The following COL5A1 variants were observed in gnomAD, a reference collection of about 807,000 sequenced individuals.
The protein encoded by COL5A1 is collagen type V alpha 1 chain, also known as collagen alpha-1(V) chain.
Under a neutral mutation model 263.7 loss-of-function variants are expected in COL5A1, and 16 were observed. The observed-to-expected ratio is 0.06, with a 90% CI of 0.04 to 0.09. COL5A1 has a LOEUF of 0.09. Among genes scored for constraint, COL5A1 ranks in the 10% least tolerant of loss-of-function variants. The pLI, the probability that COL5A1 is intolerant of heterozygous loss-of-function variation, is 1.00. For synonymous variants in COL5A1, 1,012 were observed against 1,004.5 expected (o/e 1.01, Z -0.14); for missense variants, 2,036 against 2,540.5 (o/e 0.80, Z 4.27).
chr9:134,732,158 C>T, intron 9 of COL5A1, 31 bp downstream of exon 9: 4 of 1,612,890 alleles, frequency 2.5e-6, no homozygotes, highest in Non-Finnish European at 3.4e-6. Flanking sequence ...CCTCCCTGCG[C>T]CGGGGTGTCC....
intron 14 of COL5A1, among the ~76,000 whole-genome samples, chr9:134,753,026 C>G (rs187263858): frequency 6.6e-6 from 1 of 152,104 alleles, no homozygotes; most frequent in Non-Finnish European, 1.5e-5. Flanking sequence ...GCAGAGAACA[C>G]GCTATGAGCT....
At position 134,701,644 on chromosome 9, in the gene COL5A1, G is replaced by A. The variant is rs544574724; in HGVS notation, c.654+311G>A. ...GGACAGGGCCTTTGTCCAGCCTCGTGCTGAGGCTCCTGGAAACCTGCACAC... is the reference window on the plus strand; with the variant it reads ...GGACAGGGCCTTTGTCCAGCCTCGTACTGAGGCTCCTGGAAACCTGCACAC... On this transcript the variant is annotated intron_variant, in intron 4 of 65. Coordinates refer to ENST00000371817, the MANE Select transcript of COL5A1 (RefSeq NM_000093.5). Among the ~76,000 whole-genome samples, 18 of 152,290 alleles carry A rather than the reference G, an allele frequency of 1.2e-4. No individual in the cohort carries two copies. The East Asian group carries it at 2.7e-3, about 23-fold the overall frequency.
intron 1 of COL5A1, among the ~76,000 whole-genome samples, chr9:134,663,068 G>C (rs1192424124): frequency 1.3e-5 from 2 of 152,256 alleles, no homozygotes; most frequent in African/African-American, 4.8e-5. Flanking sequence ...TTTGCTGAGG[G>C]GGTGGTTGAA....
chr9:134,699,850 G>A (rs1341163227), intron 2 of COL5A1, 59 bp from the exon 3 acceptor site: 11 of 1,542,814 alleles, frequency 7.1e-6, no homozygotes, highest in Admixed American at 3.3e-5. Context: ...AGAGAGCCAT[G>A]GCTGGGTGTG....
rs547540179 is a variant in COL5A1, at chr9:134,706,302, C to T, written c.654+4969C>T. Reference sequence around the variant, plus strand: ...AGGTTTCCAGAGGTGCTGGGCAGGCCCAGGACCACCGTGCAGGAAGGGGAA... The same window carrying T: ...AGGTTTCCAGAGGTGCTGGGCAGGCTCAGGACCACCGTGCAGGAAGGGGAA... On this transcript the variant is annotated intron_variant, in intron 4 of 65. Coordinates refer to ENST00000371817, the MANE Select transcript of COL5A1 (RefSeq NM_000093.5). Among the ~76,000 whole-genome samples the T allele has an allele frequency of 9.8e-5, 15 of 152,302 alleles. No individual in the cohort carries two copies. In the South Asian group the frequency reaches 2.7e-3, roughly 27 times the overall value.
At chr9:134,824,948 G>A in intron 62 of COL5A1, 93 bp downstream of exon 62, 1 of 1,491,216 alleles carries the variant, frequency 6.7e-7, no homozygotes, top group Non-Finnish European at 8.9e-7. Flanking sequence ...GCCAGGCACA[G>A]CGGAAGGGAC....
At chr9:134,786,123 G>A in intron 31 of COL5A1, 75 bp downstream of exon 31, 1 of 1,345,964 alleles carries the variant, frequency 7.4e-7, no homozygotes, top group Non-Finnish European at 1.0e-6. Flanking sequence ...CCTGCATCCG[G>A]CCGTGTTAGG....
chr9:134,750,990 G>T, intron 13 of COL5A1, 108 bp downstream of exon 13: 1 of 961,548 alleles, frequency 1.0e-6, no homozygotes, highest in Non-Finnish European at 1.6e-6. Flanking sequence ...GGAAGCAGCT[G>T]TCTTGATCCC....
In COL5A1 at chr9:134,678,313, A is replaced by G. The variant is rs910544387; in HGVS notation, c.110-12599A>G. ...ACACTGTGGGCCAAGTTGATGAATA[A>G]GGGAAGTGTGGCAGCTGGGCGCAGA... On this transcript the variant is annotated intron_variant, in intron 1 of 65. Coordinates refer to ENST00000371817, the MANE Select transcript of COL5A1 (RefSeq NM_000093.5). This position sits in a 1 kb window ranked among gnomAD's most constrained non-coding sequence, Gnocchi z 5.5. Among the ~76,000 whole-genome samples the G allele has an allele frequency of 6.6e-6, 1 of 152,204 alleles. No homozygotes were observed. Among genetic ancestry groups the G allele is most frequent in the Non-Finnish European group, 1.5e-5 (1 of 68,038 alleles).
At chr9:134,715,647 T>G (rs1834233837) in intron 4 of COL5A1, among the ~76,000 whole-genome samples, 1 of 152,206 alleles carries the variant, frequency 6.6e-6, no homozygotes, top group Admixed American at 6.5e-5. Context: ...GGTGATGACT[T>G]TTAACAAGCA....
At chr9:134,813,010 C>T (rs1034460858) in intron 48 of COL5A1, among the ~76,000 whole-genome samples, 1 of 152,036 alleles carries the variant, frequency 6.6e-6, no homozygotes, top group African/African-American at 2.4e-5. Context: ...CAGACGATGC[C>T]CCACCAGCAA....
At chr9:134,733,222 T>A (rs1564419009) in intron 9 of COL5A1, among the ~76,000 whole-genome samples, 1 of 152,190 alleles carries the variant, frequency 6.6e-6, no homozygotes, top group Non-Finnish European at 1.5e-5. Context: ...CCCGCCACCC[T>A]ACTGTAGAGC....
At chr9:134,691,541 G>C (rs1325052586) in intron 2 of COL5A1, 1 of 174,688 alleles carries the variant, frequency 5.7e-6, no homozygotes, top group African/African-American at 2.4e-5. Context: ...AGCATGGGAG[G>C]CTTTTAATGA....
chr9:134,721,427 T>TGGG (rs1834451961), intron 4 of COL5A1, among the ~76,000 whole-genome samples: 3 of 151,972 alleles, frequency 2.0e-5, no homozygotes, highest in Non-Finnish European at 4.4e-5. Context: ...CCCATGACTG[T>TGGG]GTTTGGATCC....
At position 134,818,577 on chromosome 9, in the gene COL5A1, G is replaced by C; in HGVS notation, c.4231-79G>C. On this transcript the variant is annotated intron_variant, in intron 54 of 65. Coordinates refer to ENST00000371817, the MANE Select transcript of COL5A1 (RefSeq NM_000093.5). This position sits in a 1 kb window ranked among gnomAD's most constrained non-coding sequence, Gnocchi z 6.0. ...TGGGACTCCTCCAGAGGTGCCCAGG[G>C]TTTCCGAGCAGTGGTCCTGGGCCAG... is the stretch of plus-strand genomic sequence containing the variant. 9.3e-7 allele frequency: 1 copy of C among 1,074,444 alleles called. No individual in the cohort carries two copies. The allele number at this position is 1,074,444 out of a possible 1,614,324, so 66.6% of individuals were successfully genotyped here. A position where few individuals can be genotyped will look rare whatever the true frequency, so the allele number is the denominator to read the frequency against.
intron 1 of COL5A1, among the ~76,000 whole-genome samples, chr9:134,659,873 T>C (rs953241577): frequency 1.3e-5 from 2 of 152,232 alleles, no homozygotes; most frequent in African/African-American, 4.8e-5. Flanking sequence ...GAGTCAGTTT[T>C]TCCATTTTAG....
intron 1 of COL5A1, among the ~76,000 whole-genome samples, chr9:134,661,266 T>C (rs1397438157): frequency 6.6e-6 from 1 of 151,618 alleles, no homozygotes; most frequent in African/African-American, 2.4e-5. Flanking sequence ...GATCAGGGAT[T>C]CACTAATTGT....
chr9:134,656,409 A>C (rs1831975954), intron 1 of COL5A1, among the ~76,000 whole-genome samples: 1 of 152,162 alleles, frequency 6.6e-6, no homozygotes, highest in South Asian at 2.1e-4. Context: ...GGAGCTTCGG[A>C]GGCCGAGAGA....
At chr9:134,673,739 C>T (rs765716348) in intron 1 of COL5A1, among the ~76,000 whole-genome samples, 11 of 152,094 alleles carry the variant, frequency 7.2e-5, no homozygotes, top group Non-Finnish European at 1.0e-4. Flanking sequence ...TAAAACAACA[C>T]CTTATACTTT....
Sources: allele counts gnomAD v4.1 joint callset (sites outside exome capture counted in the v4.1 genomes callset), GRCh38; gene constraint gnomAD v4.1.1; non-coding constraint Gnocchi (gnomAD v3.1); transcripts MANE v1.5; gene names NCBI Gene and HGNC (gene_info 2026-07-23, HGNC 2026-07-21).